HMGCLL1: variants seen among roughly 807,000 people sequenced by gnomAD.
HMGCLL1 encodes 3-hydroxymethyl-3-methylglutaryl-CoA lyase, cytoplasmic.
In HMGCLL1, 36 loss-of-function variants were observed where a neutral mutation model predicts 39.1. The observed-to-expected ratio is 0.92, with a 90% CI of 0.71 to 1.22. HMGCLL1 has a LOEUF of 1.22. Among genes scored for constraint, HMGCLL1 ranks in the 50% most tolerant of loss-of-function variants. HMGCLL1 has a pLI of 0.00. For synonymous variants in HMGCLL1, 149 were observed against 144.0 expected, an observed-to-expected ratio of 1.03 and a Z score of -0.25; for missense variants, 451 against 416.5, an observed-to-expected ratio of 1.08 and a Z score of -0.72.
chr6:55,674,173 A>G, the HMGCLL1 span, among the ~76,000 whole-genome samples: 1 of 151,964 alleles, frequency 6.6e-6, no homozygotes, highest in East Asian at 1.9e-4. Context: ...TTATCTTTTT[A>G]TATTCCTGAC....
chr6:55,491,864 TATG>T (rs1034639394), intron 7 of HMGCLL1, among the ~76,000 whole-genome samples: 11 of 152,052 alleles, frequency 7.2e-5, no homozygotes, highest in African/African-American at 2.7e-4. Flanking sequence ...TATTAAATAA[TATG>T]ATAATTATTC....
chr6:55,665,965 G>A, the HMGCLL1 span, among the ~76,000 whole-genome samples: 2 of 151,578 alleles, frequency 1.3e-5, no homozygotes, highest in Non-Finnish European at 3.0e-5. Flanking sequence ...CTACAGGAAG[G>A]GCCACATATT....
chr6:55,469,985 G>A (rs757357983), intron 7 of HMGCLL1, among the ~76,000 whole-genome samples: 9 of 151,792 alleles, frequency 5.9e-5, no homozygotes, highest in Non-Finnish European at 1.3e-4. Context: ...TCCAGCTTCC[G>A]CAGCTGAGCC....
At chr6:55,475,316 A>G (rs1765237179) in intron 7 of HMGCLL1, among the ~76,000 whole-genome samples, 1 of 151,656 alleles carries the variant, frequency 6.6e-6, no homozygotes, top group East Asian at 1.9e-4. Context: ...AGATCCTGAT[A>G]GAAGGTAAGA....
At chr6:55,656,973 A>C in the HMGCLL1 span, among the ~76,000 whole-genome samples, 6 of 151,988 alleles carry the variant, frequency 3.9e-5, no homozygotes, top group Non-Finnish European at 8.8e-5. Flanking sequence ...TTGAAAGAAA[A>C]GACCACAGAA....
At chr6:55,439,616 C>A (rs1020082427) in intron 7 of HMGCLL1, 57 bp from the exon 8 acceptor site, 5 of 1,574,088 alleles carry the variant, frequency 3.2e-6, no homozygotes, top group Non-Finnish European at 4.3e-6. Context: ...TAAATTGTTG[C>A]ATTTCTATTT....
chr6:55,501,174 G>A (rs949691657), intron 5 of HMGCLL1, among the ~76,000 whole-genome samples: 5 of 151,778 alleles, frequency 3.3e-5, no homozygotes, highest in Non-Finnish European at 7.4e-5. Flanking sequence ...TTTTGATCTA[G>A]TCACGCATGC....
chr6:55,523,181 G>A (rs745539854), intron 3 of HMGCLL1, among the ~76,000 whole-genome samples: 9 of 151,812 alleles, frequency 5.9e-5, no homozygotes, highest in Non-Finnish European at 1.0e-4. Flanking sequence ...TCTGATAAAG[G>A]GCTCAAATTG....
chr6:55,631,166 T>G, the HMGCLL1 span, among the ~76,000 whole-genome samples: 2 of 152,098 alleles, frequency 1.3e-5, no homozygotes, highest in Non-Finnish European at 2.9e-5. Context: ...GTTTGGAAAG[T>G]TCTCGGTTAT....
At chr6:55,606,593 TA>T in the HMGCLL1 span, among the ~76,000 whole-genome samples, 53 of 152,268 alleles carry the variant, frequency 3.5e-4, no homozygotes, top group African/African-American at 1.2e-3. Context: ...TTTAGGCAGA[TA>T]TTTTTATATG....
chr6:55,459,324 A>G (rs1764457073), intron 7 of HMGCLL1, among the ~76,000 whole-genome samples: 1 of 152,132 alleles, frequency 6.6e-6, no homozygotes. Flanking sequence ...ATTCAGGCCA[A>G]CTAGGAAAAT....
the HMGCLL1 span, among the ~76,000 whole-genome samples, chr6:55,587,337 T>C: frequency 2.6e-5 from 4 of 152,082 alleles, no homozygotes; most frequent in Non-Finnish European, 5.9e-5. Flanking sequence ...TCTCCCATTC[T>C]GTAGGTCGCC....
intron 7 of HMGCLL1, among the ~76,000 whole-genome samples, chr6:55,477,565 C>A (rs1264369308): frequency 7.9e-6 from 1 of 127,272 alleles, no homozygotes; most frequent in African/African-American, 3.2e-5. Context: ...CCAAAAAAAC[C>A]CACAAAAATT....
At chr6:55,639,293 T>C in the HMGCLL1 span, among the ~76,000 whole-genome samples, 1 of 151,782 alleles carries the variant, frequency 6.6e-6, no homozygotes, top group Non-Finnish European at 1.5e-5. Flanking sequence ...CAGTACCTTA[T>C]TAGCAAACAT....
chr6:55,581,452 A>C (rs1174113178), upstream of HMGCLL1, among the ~76,000 whole-genome samples: 1 of 152,144 alleles, frequency 6.6e-6, no homozygotes, highest in East Asian at 1.9e-4. Context: ...ACAGGAGTTA[A>C]AATAGATGTG....
rs1182564336 is a variant in HMGCLL1 at position 55,477,296 on chromosome 6, A to ATATATT, written c.795+18122_795+18123insAATATA. On this transcript the variant is annotated intron_variant, in intron 7 of 8. Transcript: ENST00000274901. Reference sequence around the variant, plus strand: ...ATATATTATATATTATATATAAAATAATATATATTATATATATAATATATA... The same window carrying ATATATT: ...ATATATTATATATTATATATAAAATATATATTATATATATTATATATATAATATATA... Among the ~76,000 whole-genome samples, 3 of 14,128 alleles carry ATATATT rather than the reference A, an allele frequency of 2.1e-4. No individual in the cohort carries two copies. The African/African-American group carries it at 2.2e-3, about 10-fold the overall frequency. 9.3% of individuals were successfully genotyped at this position (14,128 alleles called of 152,430 possible). A position where few individuals can be genotyped will look rare whatever the true frequency, so the allele number is the denominator to read the frequency against.
chr6:55,666,686 T>G, the HMGCLL1 span, among the ~76,000 whole-genome samples: 1 of 151,720 alleles, frequency 6.6e-6, no homozygotes, highest in Non-Finnish European at 1.5e-5. Flanking sequence ...AAATCTCAAA[T>G]TATTTTCTCT....
At chr6:55,612,207 A>C in the HMGCLL1 span, among the ~76,000 whole-genome samples, 18 of 152,160 alleles carry the variant, frequency 1.2e-4, no homozygotes, top group African/African-American at 4.3e-4. Context: ...TAATTGTTAC[A>C]AAGATAATAA....
chr6:55,570,546 G>A (rs2127475754), intron 1 of HMGCLL1, among the ~76,000 whole-genome samples: 1 of 152,198 alleles, frequency 6.6e-6, no homozygotes, highest in East Asian at 1.9e-4. Flanking sequence ...TTTGATGATT[G>A]GTATCCTTCA....
Sources: allele counts gnomAD v4.1 joint callset (sites outside exome capture counted in the v4.1 genomes callset), GRCh38; gene constraint gnomAD v4.1.1; transcripts MANE v1.5; gene names NCBI Gene and HGNC (gene_info 2026-07-23, HGNC 2026-07-21).